ELP1: variants seen among roughly 807,000 people sequenced by gnomAD.
The protein encoded by ELP1 is elongator complex protein 1.
In ELP1, 131 loss-of-function variants were observed where a neutral mutation model predicts 183.2. The ratio of observed to expected loss-of-function variants is 0.72; its 90% CI spans 0.62 to 0.83. ELP1 has a LOEUF of 0.83. ELP1 is among the 40% of genes least tolerant of loss of function. The pLI, the probability that ELP1 is intolerant of heterozygous loss-of-function variation, is 0.00. For missense variants in ELP1, 1,550 were observed against 1,594.9 expected (o/e 0.97, Z 0.48); for synonymous variants, 555 against 569.0 (o/e 0.98, Z 0.35).
At chr9:108,914,219 G>A (rs1281768300) in intron 10 of ELP1, among the ~76,000 whole-genome samples, 3 of 151,938 alleles carry the variant, frequency 2.0e-5, no homozygotes, top group African/African-American at 4.8e-5. Flanking sequence ...CTAACGCGGT[G>A]AAACCCTGCC....
chr9:108,918,975 C>T, intron 7 of ELP1, 74 bp from the exon 8 acceptor site: 1 of 1,069,142 alleles, frequency 9.4e-7, no homozygotes, highest in South Asian at 1.3e-5. Flanking sequence ...CAGAACTATT[C>T]AAACACCTTC....
rs201752086 is a variant in ELP1, at chr9:108,912,794, G to A, written c.959-300C>T. 5.7e-5 allele frequency among the ~76,000 whole-genome samples: 8 copies of A among 141,446 alleles called. No individual in the cohort carries two copies. In the East Asian group the frequency reaches 6.3e-4, roughly 11 times the overall value. 92.8% of individuals were successfully genotyped at this position (141,446 alleles called of 152,430 possible). A position where few individuals can be genotyped will look rare whatever the true frequency, so the allele number is the denominator to read the frequency against. ...TATTGACACAGAGTCTCGCTCTGCC[G>A]GCCAGGCTGGAGTGCAGTGGCGCAA... On this transcript the variant is annotated intron_variant, in intron 10 of 36. Coordinates refer to ENST00000374647, the MANE Select transcript of ELP1 (RefSeq NM_003640.5).
chr9:108,872,804 GAAAAAAAAA>G (rs58139943), intron 36 of ELP1, among the ~76,000 whole-genome samples: 11 of 83,374 alleles, frequency 1.3e-4, no homozygotes, highest in African/African-American at 5.2e-4. Context: ...GACTCTGTCT[GAAAAAAAAA>G]AAAAAAAAAA....
At chr9:108,885,365 G>C (rs1236648997) in intron 29 of ELP1, among the ~76,000 whole-genome samples, 1 of 152,060 alleles carries the variant, frequency 6.6e-6, no homozygotes, top group Non-Finnish European at 1.5e-5. Context: ...AGTAAAATAA[G>C]AGAATACTAT....
chr9:108,931,862 G>C (rs2132054349), intron 1 of ELP1, among the ~76,000 whole-genome samples: 1 of 152,310 alleles, frequency 6.6e-6, no homozygotes, highest in Middle Eastern at 3.4e-3. Context: ...TTCTGGCCAG[G>C]CTTTTCCCAG....
chr9:108,906,955 C>T (rs1233588312), intron 13 of ELP1, among the ~76,000 whole-genome samples: 1 of 152,182 alleles, frequency 6.6e-6, no homozygotes, highest in African/African-American at 2.4e-5. Context: ...CATTTATACA[C>T]CTGACCAGCG....
In ELP1 at chr9:108,902,884, A is replaced by C; in HGVS notation, c.1809T>G (p.Phe603Leu). 3 of 1,614,070 alleles carry C rather than the reference A, an allele frequency of 1.9e-6. No individual in the cohort carries two copies. Among genetic ancestry groups the C allele is most frequent in the Non-Finnish European group, 2.5e-6 (3 of 1,179,938 alleles). Residue 603 changes from phenylalanine to leucine, a missense_variant, in exon 16 of 37, where the codon TTT (phenylalanine) becomes TTG (leucine). Phe to Leu is a conservative substitution (Grantham distance 22). Transcript: ENST00000374647. Reference sequence around the variant, plus strand: ...ATTCGGTCTGGGTGCATGGATAAGGAAACCGAACAGGAAATCCACCAGAGT... The same window carrying C: ...ATTCGGTCTGGGTGCATGGATAAGGCAACCGAACAGGAAATCCACCAGAGT... Reference protein sequence around the residue: ...WKNSGGFPVRFPYPCTQTELA... With the variant: ...WKNSGGFPVRLPYPCTQTELA...
At chr9:108,910,922 C>A (rs976581018) in intron 12 of ELP1, 88 bp downstream of exon 12, 4 of 1,153,092 alleles carry the variant, frequency 3.5e-6, no homozygotes, top group Non-Finnish European at 5.2e-6. Context: ...AACACTAGAC[C>A]TATGGCAACA....
intron 33 of ELP1, 108 bp from the exon 34 acceptor site, chr9:108,878,858 C>T: frequency 9.0e-7 from 1 of 1,114,906 alleles, no homozygotes; most frequent in East Asian, 2.4e-5. Context: ...CCCCACACAA[C>T]TTCACAGATC....
chr9:108,917,175 T>G (rs1034275512), intron 9 of ELP1, among the ~76,000 whole-genome samples: 6 of 152,118 alleles, frequency 3.9e-5, no homozygotes, highest in African/African-American at 1.4e-4. Flanking sequence ...CAAATATAAA[T>G]CCCCTCTATA....
At chr9:108,920,460 T>G (rs779905550) in intron 6 of ELP1, among the ~76,000 whole-genome samples, 2 of 152,100 alleles carry the variant, frequency 1.3e-5, no homozygotes, top group Non-Finnish European at 2.9e-5. Flanking sequence ...TTTTGTATTT[T>G]TAGTAGAGAT....
At chr9:108,903,735 G>A in intron 14 of ELP1, 66 bp from the exon 15 acceptor site, 2 of 1,171,984 alleles carry the variant, frequency 1.7e-6, no homozygotes, top group South Asian at 1.2e-5. Context: ...ACATTTCACT[G>A]ATTTTGAAAA....
intron 11 of ELP1, among the ~76,000 whole-genome samples, chr9:108,911,588 T>C (rs1338586477): frequency 6.6e-6 from 1 of 152,224 alleles, no homozygotes; most frequent in Non-Finnish European, 1.5e-5. Context: ...GTTCTCTATA[T>C]AGAATACATG....
intron 16 of ELP1, 63 bp from the exon 17 acceptor site, chr9:108,901,744 T>C (rs2131992679): frequency 1.4e-6 from 2 of 1,452,174 alleles, no homozygotes; most frequent in Non-Finnish European, 1.9e-6. Context: ...ACCTACCTTT[T>C]CTATCACATA....
Position 108,867,950 on chromosome 9 carries a change from G to A in ELP1, c.*1165C>T, listed in dbSNP as rs1401713185. On this transcript the variant is annotated 3_prime_UTR_variant, in exon 37 of 37. Coordinates refer to ENST00000374647, the MANE Select transcript of ELP1 (RefSeq NM_003640.5). ...GTTTATGTACAGTGCTGTAGTTTAGGCATTTGTTTCCCTAAACCTCATGTT... is the reference window on the plus strand; with the variant it reads ...GTTTATGTACAGTGCTGTAGTTTAGACATTTGTTTCCCTAAACCTCATGTT... The A allele has an allele frequency of 2.0e-5, 3 of 152,228 alleles. No individual in the cohort carries two copies. Among genetic ancestry groups the A allele is most frequent in the African/African-American group, 7.2e-5 (3 of 41,430 alleles). The allele number at this position is 152,228 out of a possible 1,614,324, so 9.4% of individuals were successfully genotyped here. A position where few individuals can be genotyped will look rare whatever the true frequency, so the allele number is the denominator to read the frequency against.
chr9:108,896,387 G>T, intron 25 of ELP1, 109 bp downstream of exon 25: 2 of 971,904 alleles, frequency 2.1e-6, no homozygotes, highest in Middle Eastern at 2.8e-4. Flanking sequence ...CTCCAGCCCT[G>T]CACTCACAGA....
intron 16 of ELP1, among the ~76,000 whole-genome samples, chr9:108,902,238 C>T (rs1828833644): frequency 6.6e-6 from 1 of 152,280 alleles, no homozygotes; most frequent in South Asian, 2.1e-4. Flanking sequence ...TCTCAGCACA[C>T]ACATCACTGC....
Position 108,912,226 on chromosome 9 carries a change from C to T in ELP1, c.1189+38G>A, listed in dbSNP as rs1477693943. 3.3e-6 allele frequency: 5 copies of T among 1,498,008 alleles called. No individual in the cohort carries two copies. In the Admixed American group the frequency reaches 8.4e-5, roughly 25 times the overall value. 92.8% of individuals were successfully genotyped at this position (1,498,008 alleles called of 1,614,324 possible). ...CATCTGCAGGCCCTAGGCTCAGGAC[C>T]CCTTGCAGGCTCATGGACACACTTC... On this transcript the variant is annotated intron_variant, in intron 11 of 36. Transcript: ENST00000374647.
chr9:108,874,768 T>C lies in ELP1; in HGVS notation c.3931+127A>G. Reference sequence around the variant, plus strand: ...ATGCGGTCTTAGAATTGAGGAAGAATTGTAGTCAATTTTTTGTAGTGAAAA... The same window carrying C: ...ATGCGGTCTTAGAATTGAGGAAGAACTGTAGTCAATTTTTTGTAGTGAAAA... On this transcript the variant is annotated intron_variant, in intron 36 of 36. Coordinates refer to ENST00000374647, the MANE Select transcript of ELP1 (RefSeq NM_003640.5). 6.9e-6 allele frequency: 5 copies of C among 724,356 alleles called. 1 individual carries two copies. Among genetic ancestry groups the C allele is most frequent in the South Asian group, 3.0e-5 (2 of 66,362 alleles). 44.9% of individuals were successfully genotyped at this position (724,356 alleles called of 1,614,324 possible).
Sources: allele counts gnomAD v4.1 joint callset (sites outside exome capture counted in the v4.1 genomes callset), GRCh38; gene constraint gnomAD v4.1.1; transcripts MANE v1.5; gene names NCBI Gene and HGNC (gene_info 2026-07-23, HGNC 2026-07-21).